Variants in SYNPO observed in about 807,000 individuals in gnomAD.
SYNPO encodes synaptopodin.
In SYNPO, 19 loss-of-function variants were observed where a neutral mutation model predicts 49.5. The observed-to-expected ratio is 0.38, with a 90% CI of 0.27 to 0.56. The LOEUF (loss-of-function observed/expected upper bound fraction) is 0.56. SYNPO is among the 20% of genes least tolerant of loss of function. SYNPO has a pLI of 0.68. For synonymous variants in SYNPO, 536 were observed against 548.0 expected (o/e 0.98, Z 0.31); for missense variants, 1,131 against 1,248.3 (o/e 0.91, Z 1.42).
chr5:150,604,792 G>T (rs1488736419), intron 1 of SYNPO, among the ~76,000 whole-genome samples: 3 of 152,170 alleles, frequency 2.0e-5, no homozygotes, highest in Non-Finnish European at 4.4e-5. Flanking sequence ...GTAGCTCAAA[G>T]GTATCAGGCC....
At chr5:150,625,007 C>T (rs948690901) in intron 2 of SYNPO, 1 of 977,690 alleles carries the variant, frequency 1.0e-6, no homozygotes, top group Non-Finnish European at 1.2e-6. Context: ...GGAGGTGGCA[C>T]ATCTGGGCTC....
At chr5:150,650,552 C>T in intron 2 of SYNPO, 1 of 1,462,616 alleles carries the variant, frequency 6.8e-7, no homozygotes, top group Non-Finnish European at 9.0e-7. Flanking sequence ...GGGTCGGACT[C>T]CATGTCTGAG....
chr5:150,597,054 G>C (rs73274475), upstream of SYNPO, among the ~76,000 whole-genome samples: 7,644 of 152,238 alleles, frequency 0.05, 698 homozygotes, highest in African/African-American at 0.17. Context: ...CCTCCCTTGG[G>C]AAATCAAGAC....
intron 2 of SYNPO, chr5:150,618,854 T>C: frequency 1.3e-6 from 2 of 1,485,148 alleles, no homozygotes; most frequent in Non-Finnish European, 1.8e-6. Flanking sequence ...ACCATATTTT[T>C]CCATGATCCA....
rs1345645545 is a variant in SYNPO, at chr5:150,649,828, C to T, written c.1553C>T (p.Ser518Phe). The T allele has an allele frequency of 1.2e-6, 2 of 1,609,740 alleles. No homozygotes were observed. Among genetic ancestry groups the T allele is most frequent in the Non-Finnish European group, 8.5e-7 (1 of 1,179,996 alleles). Residue 518 changes from serine to phenylalanine, a missense_variant, in exon 2 of 3, where the codon TCC becomes TTC. Transcript: ENST00000307662. ...TCACCTACCATGTCCCTGCCTTCCT[C>T]CTGGAAATACCCCACTAACGCCCCC... ...CPSPTMSLPS[S>F]WKYPTNAPGA...
Position 150,649,541 on chromosome 5 carries a change from A to G in SYNPO, c.1266A>G (p.Ala422=). The change falls in exon 2 of 3, where the codon GCA becomes GCG. Residue 422 remains alanine, a synonymous_variant. Coordinates refer to ENST00000307662, the MANE Select transcript of SYNPO (RefSeq NM_007286.6). Reference sequence around the variant, plus strand: ...TAGGCGTGGAGGAGGAGCCCTTCGCACTGGGGGCCGAGGCCTCCAACTTCC... The same window carrying G: ...TAGGCGTGGAGGAGGAGCCCTTCGCGCTGGGGGCCGAGGCCTCCAACTTCC... ...GEVGVEEEPF[A]LGAEASNFQQ... 6.2e-7 allele frequency: 1 copy of G among 1,610,586 alleles called. No individual in the cohort carries two copies. The highest frequency in any genetic ancestry group is 8.5e-7 in the Non-Finnish European group (1 of 1,178,654).
chr5:150,611,236 C>T (rs958473532), intron 1 of SYNPO, among the ~76,000 whole-genome samples: 1 of 152,184 alleles, frequency 6.6e-6, no homozygotes, highest in Admixed American at 6.5e-5. Context: ...GTGAGCTTCA[C>T]GTGGGCAGAG....
Position 150,650,198 on chromosome 5 carries a change from C to G in SYNPO, c.1923C>G (p.Tyr641Ter). The G allele has an allele frequency of 6.2e-7, 1 of 1,613,960 alleles. No individual in the cohort carries two copies. Among genetic ancestry groups the G allele is most frequent in the Non-Finnish European group, 8.5e-7 (1 of 1,180,018 alleles). ...AGCCCACTGCCGTGAGCCCTCCTTA[C>G]GGCGGTGACATCTCCCCCGTGTCTC... is the stretch of plus-strand genomic sequence containing the variant. ...SLQPTAVSPP[Y>*]GGDISPVSPS... Residue 641 changes from tyrosine to a stop codon, truncating the protein, a stop_gained, in exon 2 of 3, where the codon TAC becomes TAG. Transcript: ENST00000307662. LOFTEE classifies it high-confidence loss of function.
chr5:150,619,687 C>T (rs921184014), intron 2 of SYNPO, among the ~76,000 whole-genome samples: 4 of 152,140 alleles, frequency 2.6e-5, no homozygotes, highest in South Asian at 2.1e-4. Context: ...GCAGGGCATG[C>T]GGGGGACACA....
chr5:150,656,978 G>T lies in SYNPO; in HGVS notation c.2603G>T (p.Gly868Val). Residue 868 changes from glycine to valine, a missense_variant, in exon 3 of 3, where the codon GGG becomes GTG. Gly to Val is a moderately radical substitution (Grantham distance 109, BLOSUM62 -3). This residue lies in a region of SYNPO where 509 missense variants were observed against 484.5 expected (regional missense o/e 1.05). Transcript: ENST00000307662. Reference sequence around the variant, plus strand: ...GTGTCCCTCGACTCCGAGGACTCCGGGGCTAAGTCTCCAGGCATCCTGGGC... The same window carrying T: ...GTGTCCCTCGACTCCGAGGACTCCGTGGCTAAGTCTCCAGGCATCCTGGGC... ...SDVSLDSEDS[G>V]AKSPGILGYN... The T allele has an allele frequency of 6.3e-7, 1 of 1,596,410 alleles. No individual in the cohort carries two copies. Among genetic ancestry groups the T allele is most frequent in the East Asian group, 2.3e-5 (1 of 44,006 alleles).
At chr5:150,617,948 G>C (rs1757026326) in intron 1 of SYNPO, among the ~76,000 whole-genome samples, 1 of 152,188 alleles carries the variant, frequency 6.6e-6, no homozygotes, top group East Asian at 1.9e-4. Flanking sequence ...AATGACTGGA[G>C]CTTTCGAAAC....
intron 2 of SYNPO, chr5:150,651,870 G>A (rs1385529473): frequency 6.0e-6 from 6 of 1,000,332 alleles, no homozygotes; most frequent in African/African-American, 3.5e-5. Flanking sequence ...TACAGCCCCC[G>A]ACCAAACCAG....
intron 1 of SYNPO, among the ~76,000 whole-genome samples, chr5:150,603,716 C>T (rs1756613476): frequency 1.3e-5 from 2 of 152,182 alleles, no homozygotes; most frequent in Non-Finnish European, 2.9e-5. Context: ...CTTGGTGAGG[C>T]AGAGATGCAG....
intron 2 of SYNPO, chr5:150,651,584 T>C: frequency 1.0e-6 from 1 of 1,003,044 alleles, no homozygotes; most frequent in Non-Finnish European, 1.2e-6. Context: ...GGCCAAGGGA[T>C]GCCTGGGCTG....
At position 150,608,696 on chromosome 5, in the gene SYNPO, C is replaced by T. The variant is rs550130691; in HGVS notation, c.-266+7508C>T. On this transcript the variant is annotated intron_variant, in intron 1 of 2. Transcript: ENST00000394243. ...GAGTGAGGGTTCCCAAACCTACCTG[C>T]GCATAGGAACAACCTGCGAAGCTTC... Among the ~76,000 whole-genome samples the T allele has an allele frequency of 8.7e-4, 133 of 152,196 alleles. No homozygotes were observed. The Middle Eastern group carries it at 0.01, about 12-fold the overall frequency.
chr5:150,643,021 A>G (rs999564193), intron 1 of SYNPO, among the ~76,000 whole-genome samples: 1 of 152,168 alleles, frequency 6.6e-6, no homozygotes, highest in Non-Finnish European at 1.5e-5. Context: ...CTTATTTCTA[A>G]AGGCCCTTCA....
At chr5:150,608,545 A>T (rs1012462567) in intron 1 of SYNPO, 7 of 151,430 alleles carry the variant, frequency 4.6e-5, no homozygotes, top group Non-Finnish European at 1.0e-4. Context: ...AATGAATAAA[A>T]CCCACTATTT....
At chr5:150,625,407 G>A (rs1265205407) in intron 2 of SYNPO, among the ~76,000 whole-genome samples, 1 of 152,118 alleles carries the variant, frequency 6.6e-6, no homozygotes, top group African/African-American at 2.4e-5. Flanking sequence ...ACTCCTCCCT[G>A]CGGGCGGGGC....
intron 2 of SYNPO, among the ~76,000 whole-genome samples, chr5:150,622,760 G>A (rs550916101): frequency 3.3e-5 from 5 of 152,306 alleles, no homozygotes; most frequent in African/African-American, 1.2e-4. Flanking sequence ...AGGAGCCTGG[G>A]CAGGAAGCTG....
Sources: gnomAD v4.1 joint callset for allele counts (sites outside exome capture counted in the v4.1 genomes callset) on GRCh38, gnomAD v4.1.1 for gene constraint, gnomAD v4.1.1 regional missense constraint, MANE v1.5 for transcripts, NCBI Gene and HGNC (gene_info 2026-07-23, HGNC 2026-07-21) for gene names.